Variants in COP1 observed in about 807,000 individuals in gnomAD.
COP1 encodes the protein COP1 E3 ubiquitin ligase.
Under a neutral mutation model 101.3 loss-of-function variants are expected in COP1, and 24 were observed. The observed-to-expected ratio is 0.24, with a 90% CI of 0.17 to 0.33. The LOEUF (loss-of-function observed/expected upper bound fraction) is 0.33, where lower values mean the gene tolerates loss of function less well. Among genes scored for constraint, COP1 ranks in the 10% least tolerant of loss-of-function variants. COP1 has a pLI of 1.00. For missense variants in COP1, 663 were observed against 906.2 expected (o/e 0.73, Z 3.45); for synonymous variants, 347 against 341.9 (o/e 1.01, Z -0.17).
chr1:176,182,130 A>C (rs565930059), intron 2 of COP1, among the ~76,000 whole-genome samples: 1 of 152,330 alleles, frequency 6.6e-6, no homozygotes, highest in South Asian at 2.1e-4. Flanking sequence ...GCCTTTTTTA[A>C]AAAATGCCAC....
At chr1:176,167,129 A>G (rs1158115348) in intron 3 of COP1, among the ~76,000 whole-genome samples, 1 of 152,220 alleles carries the variant, frequency 6.6e-6, no homozygotes, top group African/African-American at 2.4e-5. Flanking sequence ...ACTGGACTCA[A>G]CATTCAAATG....
chr1:176,119,012 T>C (rs984636593), intron 8 of COP1, among the ~76,000 whole-genome samples: 5 of 152,334 alleles, frequency 3.3e-5, no homozygotes, highest in African/African-American at 1.2e-4. Context: ...ACAATTCCTA[T>C]AGCAAAACTC....
intron 15 of COP1, among the ~76,000 whole-genome samples, chr1:176,003,629 T>C (rs1423778014): frequency 6.6e-6 from 1 of 152,124 alleles, no homozygotes; most frequent in Non-Finnish European, 1.5e-5. Flanking sequence ...ATTGCTTGTT[T>C]TTCTCAGGTT....
At chr1:176,060,531 G>A (rs1473774048) in intron 11 of COP1, among the ~76,000 whole-genome samples, 1 of 152,152 alleles carries the variant, frequency 6.6e-6, no homozygotes, top group Non-Finnish European at 1.5e-5. Flanking sequence ...AGAATCATAT[G>A]AAGCTAAAAT....
chr1:175,984,210 C>T (rs1334575814), intron 18 of COP1, among the ~76,000 whole-genome samples: 1 of 152,142 alleles, frequency 6.6e-6, no homozygotes, highest in East Asian at 1.9e-4. Flanking sequence ...AAAGTTGTTT[C>T]CTGGGCCAGG....
rs142942753 is a variant in COP1 at position 176,096,669 on chromosome 1, AT to A, written c.1027-10780del. Among the ~76,000 whole-genome samples the A allele has an allele frequency of 9.4e-3, 1,416 of 150,496 alleles. 24 individuals carry two copies. The highest frequency in any genetic ancestry group is 0.033 in the African/African-American group (1,345 of 41,048). ...TAGCAGTTAACTTTTACGTGAGAGG[AT>A]TTTTTTTTTCCTTTTTAGAAAATGT... is the stretch of plus-strand genomic sequence containing the variant. On this transcript the variant is annotated intron_variant, in intron 9 of 19. Coordinates refer to ENST00000367669, the MANE Select transcript of COP1 (RefSeq NM_022457.7).
chr1:176,126,503 C>T (rs895269378), intron 8 of COP1, among the ~76,000 whole-genome samples: 1 of 152,088 alleles, frequency 6.6e-6, no homozygotes, highest in African/African-American at 2.4e-5. Context: ...TGTCACCAGG[C>T]TGGAGTGCGG....
intron 8 of COP1, among the ~76,000 whole-genome samples, chr1:176,129,079 A>C (rs973957214): frequency 1.1e-4 from 16 of 152,094 alleles, no homozygotes; most frequent in African/African-American, 3.8e-4. Context: ...ATAGTCCAGA[A>C]GCTATTATGC....
intron 15 of COP1, among the ~76,000 whole-genome samples, chr1:176,015,078 A>G (rs1571685742): frequency 6.6e-6 from 1 of 152,300 alleles, no homozygotes; most frequent in East Asian, 1.9e-4. Context: ...ATGATGTTTA[A>G]GATGAGACTG....
intron 18 of COP1, among the ~76,000 whole-genome samples, chr1:175,961,342 G>A (rs938040711): frequency 6.6e-6 from 1 of 152,134 alleles, no homozygotes; most frequent in Non-Finnish European, 1.5e-5. Flanking sequence ...AATCATCACA[G>A]TCGTTTCATT....
intron 8 of COP1, among the ~76,000 whole-genome samples, chr1:176,131,570 G>A (rs191409620): frequency 1.3e-5 from 2 of 151,826 alleles, no homozygotes; most frequent in Admixed American, 1.3e-4. Context: ...GCTTAAAAGA[G>A]AGATCAAAAC....
At chr1:176,190,287 C>T (rs1227921695) in intron 1 of COP1, among the ~76,000 whole-genome samples, 1 of 151,990 alleles carries the variant, frequency 6.6e-6, no homozygotes, top group African/African-American at 2.4e-5. Flanking sequence ...GTCATGGTGG[C>T]ACTCAAAAAG....
intron 3 of COP1, among the ~76,000 whole-genome samples, chr1:176,164,233 A>G (rs775357775): frequency 1.3e-5 from 2 of 152,234 alleles, no homozygotes; most frequent in Non-Finnish European, 2.9e-5. Context: ...AGGCATGAGT[A>G]ACTGAGTATC....
At position 176,034,678 on chromosome 1, in the gene COP1, T is replaced by C. The variant is rs544290416; in HGVS notation, c.1613-6990A>G. Among the ~76,000 whole-genome samples, 105 of 152,312 alleles carry C rather than the reference T, an allele frequency of 6.9e-4. 3 individuals are homozygous for C. Among genetic ancestry groups the C allele is most frequent in the African/African-American group, 2.5e-3 (102 of 41,568 alleles). On this transcript the variant is annotated intron_variant, in intron 14 of 19. Transcript: ENST00000367669. Reference sequence around the variant, plus strand: ...AGATTCTACAGTTCTGTGCATTCACTGGCACAGTCACTTCTGAGCTGTGTA... The same window carrying C: ...AGATTCTACAGTTCTGTGCATTCACCGGCACAGTCACTTCTGAGCTGTGTA...
intron 5 of COP1, among the ~76,000 whole-genome samples, chr1:176,155,875 C>G (rs1283168442): frequency 2.6e-5 from 4 of 151,640 alleles, no homozygotes; most frequent in Non-Finnish European, 5.9e-5. Flanking sequence ...AAAAAGAAAA[C>G]CCAAAGCTTC....
At chr1:176,042,397 A>C (rs1027190990) in intron 14 of COP1, among the ~76,000 whole-genome samples, 7 of 150,048 alleles carry the variant, frequency 4.7e-5, no homozygotes, top group Non-Finnish European at 8.9e-5. Context: ...CTCCACCTCT[A>C]CCAAAAATAC....
intron 2 of COP1, among the ~76,000 whole-genome samples, chr1:176,179,103 A>T (rs907617720): frequency 2.6e-5 from 4 of 152,062 alleles, no homozygotes; most frequent in African/African-American, 9.7e-5. Context: ...CAGCCTGGGC[A>T]ACATGGTGAA....
rs35205766 is a variant in COP1 at position 176,187,402 on chromosome 1, CGTGTGTGTGT to C, written c.408-2720_408-2711del. ...ACATATATATACACATATAAATATA[CGTGTGTGTGT>C]GTGTGTGTGTGTGTGTGTATAAGAC... On this transcript the variant is annotated intron_variant, in intron 1 of 19. Coordinates refer to ENST00000367669, the MANE Select transcript of COP1 (RefSeq NM_022457.7). Among the ~76,000 whole-genome samples, 260 of 149,228 alleles carry C rather than the reference CGTGTGTGTGT, an allele frequency of 1.7e-3. 1 individual carries two copies. Among genetic ancestry groups the C allele is most frequent in the African/African-American group, 6.0e-3 (245 of 40,680 alleles).
chr1:176,167,406 C>CTGAA (rs58699487), intron 3 of COP1, among the ~76,000 whole-genome samples: 6,243 of 150,948 alleles, frequency 0.041, 160 homozygotes, highest in South Asian at 0.064. Context: ...CTGGTATTTG[C>CTGAA]TGAATGAATG....
Sources: gnomAD v4.1 joint callset for allele counts (sites outside exome capture counted in the v4.1 genomes callset) on GRCh38, gnomAD v4.1.1 for gene constraint, MANE v1.5 for transcripts, NCBI Gene and HGNC (gene_info 2026-07-23, HGNC 2026-07-21) for gene names.